BRCC3: variants seen among roughly 807,000 people sequenced by gnomAD.
The protein encoded by BRCC3 is BRCA1/BRCA2-containing complex subunit 3.
BRCC3 carries 15 observed loss-of-function variants against 28.0 expected under a neutral mutation model. The ratio of observed to expected loss-of-function variants is 0.54; its 90% CI spans 0.36 to 0.82. BRCC3 has a LOEUF of 0.82. Ranked by LOEUF, BRCC3 falls within the 40% of genes least tolerant of loss-of-function variation. The pLI is 0.01. For synonymous variants in BRCC3, 66 were observed against 80.3 expected, an observed-to-expected ratio of 0.82 and a Z score of 0.95; for missense variants, 109 against 225.9, an observed-to-expected ratio of 0.48 and a Z score of 3.32.
chrX:155,079,808 C>T (rs782569188), intron 5 of BRCC3, among the ~76,000 whole-genome samples: 2 of 110,927 alleles, frequency 1.8e-5, no homozygotes, highest in South Asian at 3.8e-4. Context: ...TATGTATATA[C>T]GTGTGTGTGT....
At chrX:155,098,719 G>A (rs781785122) in intron 7 of BRCC3, among the ~76,000 whole-genome samples, 2 of 112,458 alleles carry the variant, frequency 1.8e-5, no homozygotes, top group South Asian at 7.2e-4. Context: ...TTAAAACATA[G>A]TCAATTTTCA....
At chrX:155,115,513 C>G (rs1174149625) in intron 7 of BRCC3, among the ~76,000 whole-genome samples, 3 of 112,289 alleles carry the variant, frequency 2.7e-5, no homozygotes, top group African/African-American at 6.5e-5. Context: ...TTCTGTTTCT[C>G]CCACTCTAGC....
chrX:155,087,194 G>GA (rs1470987413), intron 5 of BRCC3, among the ~76,000 whole-genome samples: 1 of 112,062 alleles, frequency 8.9e-6, no homozygotes, highest in Non-Finnish European at 1.9e-5. Flanking sequence ...ACAATGCTCA[G>GA]AGGGGGTACA....
intron 7 of BRCC3, among the ~76,000 whole-genome samples, chrX:155,104,989 T>A (rs1001825476): frequency 8.9e-6 from 1 of 112,525 alleles, no homozygotes; most frequent in Non-Finnish European, 1.9e-5. Flanking sequence ...GAAAGACAGC[T>A]TTTTCTTGTT....
intron 3 of BRCC3, among the ~76,000 whole-genome samples, chrX:155,074,441 C>G (rs1245889893): frequency 9.0e-6 from 1 of 111,609 alleles, no homozygotes; most frequent in Non-Finnish European, 1.9e-5. Flanking sequence ...CATCTTTCTC[C>G]TTGAATCTCT....
intron 7 of BRCC3, among the ~76,000 whole-genome samples, chrX:155,105,038 T>G (rs782808650): frequency 2.2e-4 from 25 of 112,398 alleles, no homozygotes; most frequent in Non-Finnish European, 2.8e-4. Flanking sequence ...TAACTCATAC[T>G]TTTTTCCCTT....
intron 3 of BRCC3, among the ~76,000 whole-genome samples, chrX:155,075,297 GCCC>G (rs1569560420): frequency 1.9e-5 from 1 of 53,654 alleles, no homozygotes; most frequent in Non-Finnish European, 2.8e-5. Context: ...CTTTCCCCTG[GCCC>G]TTCTTGTTCT....
At position 155,113,410 on chromosome X, in the gene BRCC3, C is replaced by T. The variant is rs147337902; in HGVS notation, c.549-2647C>T. 1.5e-4 allele frequency among the ~76,000 whole-genome samples: 17 copies of T among 110,202 alleles called. No individual in the cohort carries two copies. In the East Asian group the frequency reaches 4.5e-3, roughly 29 times the overall value. On this transcript the variant is annotated intron_variant, in intron 7 of 10. Transcript: ENST00000330045. ...CACCACTAAATGGGAAAAAGACAGTCTCTTTAATAAATGATACTGGGAAAA... is the reference window on the plus strand; with the variant it reads ...CACCACTAAATGGGAAAAAGACAGTTTCTTTAATAAATGATACTGGGAAAA...
intron 8 of BRCC3, 138 bp from the exon 9 acceptor site, chrX:155,116,573 C>A: frequency 2.4e-6 from 1 of 413,300 alleles, no homozygotes; most frequent in Admixed American, 4.6e-5. Context: ...TCACATCCCC[C>A]AAATCATCAA....
At chrX:155,082,441 A>T (rs1557294272) in intron 5 of BRCC3, among the ~76,000 whole-genome samples, 1 of 112,459 alleles carries the variant, frequency 8.9e-6, no homozygotes, top group Non-Finnish European at 1.9e-5. Context: ...GGACAAGCAC[A>T]CACACAAAGA....
intron 3 of BRCC3, among the ~76,000 whole-genome samples, chrX:155,076,106 T>C (rs2074039708): frequency 8.9e-6 from 1 of 112,559 alleles, no homozygotes; most frequent in Non-Finnish European, 1.9e-5. Context: ...TAGTCTGTTA[T>C]CACACTGTAA....
intron 7 of BRCC3, among the ~76,000 whole-genome samples, chrX:155,098,525 C>A (rs972731366): frequency 8.9e-6 from 1 of 111,959 alleles, no homozygotes; most frequent in African/African-American, 3.3e-5. Context: ...GCTTGTAGGC[C>A]AGGTTGGCCT....
chrX:155,097,557 T>G (rs2074218459), intron 7 of BRCC3, among the ~76,000 whole-genome samples: 1 of 111,816 alleles, frequency 8.9e-6, no homozygotes, highest in Non-Finnish European at 1.9e-5. Context: ...TTTCCAGGAG[T>G]ATATCCAATA....
intron 8 of BRCC3, 95 bp downstream of exon 8, chrX:155,116,283 G>A: frequency 1.1e-6 from 1 of 871,217 alleles, no homozygotes; most frequent in Non-Finnish European, 1.6e-6. Context: ...AACTCTTGAG[G>A]CCCCTTCTTT....
chrX:155,072,722 C>T (rs977225638), intron 2 of BRCC3, among the ~76,000 whole-genome samples: 17 of 110,023 alleles, frequency 1.5e-4, no homozygotes, highest in African/African-American at 5.3e-4. Flanking sequence ...CCACCACACC[C>T]GGCTGTCTTT....
chrX:155,079,968 A>G (rs1235511225), intron 5 of BRCC3, among the ~76,000 whole-genome samples: 1 of 111,651 alleles, frequency 9.0e-6, no homozygotes, highest in Admixed American at 9.6e-5. Flanking sequence ...CCATTCATAT[A>G]ATAGTATTAT....
chrX:155,073,217 CAGAT>C (rs2074002097), intron 2 of BRCC3, 156 bp from the exon 3 acceptor site: 1 of 543,591 alleles, frequency 1.8e-6, no homozygotes, highest in Admixed American at 3.9e-5. Flanking sequence ...TTGCTTCTAA[CAGAT>C]AGAGTGCAGC....
At chrX:155,107,549 T>C (rs1444298789) in intron 7 of BRCC3, among the ~76,000 whole-genome samples, 1 of 110,962 alleles carries the variant, frequency 9.0e-6, no homozygotes, top group Non-Finnish European at 1.9e-5. Context: ...CTGGCCAATG[T>C]CTAGTCATTT....
intron 3 of BRCC3, among the ~76,000 whole-genome samples, chrX:155,075,324 TG>T (rs2074029146): frequency 1.9e-5 from 1 of 53,367 alleles, no homozygotes; most frequent in Admixed American, 2.0e-4. Context: ...CCACACTAAA[TG>T]TGGCCACTCC....
Sources: gnomAD v4.1 joint callset for allele counts (sites outside exome capture counted in the v4.1 genomes callset) on GRCh38, gnomAD v4.1.1 for gene constraint, MANE v1.5 for transcripts, NCBI Gene and HGNC (gene_info 2026-07-23, HGNC 2026-07-21) for gene names.